LCK: variants seen among roughly 807,000 people sequenced by gnomAD.
LCK encodes the protein tyrosine-protein kinase Lck.
Under a neutral mutation model 64.6 loss-of-function variants are expected in LCK, and 14 were observed. That is an observed-to-expected ratio of 0.22 (90% confidence interval 0.14 to 0.34). The LOEUF is 0.34. LCK is among the 10% of genes least tolerant of loss of function. The pLI, the probability that LCK is intolerant of heterozygous loss-of-function variation, is 1.00. For synonymous variants in LCK, 277 were observed against 263.6 expected (o/e 1.05, Z -0.49); for missense variants, 434 against 668.1 (o/e 0.65, Z 3.86).
chr1:32,253,526 C>A (rs184473868), intron 1 of LCK, among the ~76,000 whole-genome samples: 1 of 152,284 alleles, frequency 6.6e-6, no homozygotes, highest in East Asian at 1.9e-4. Flanking sequence ...TCGTGATCCG[C>A]CCACCTCGGC....
At chr1:32,254,006 A>C (rs1639571555) in intron 1 of LCK, among the ~76,000 whole-genome samples, 1 of 152,166 alleles carries the variant, frequency 6.6e-6, no homozygotes, top group African/African-American at 2.4e-5. Flanking sequence ...TGATGGCTTC[A>C]AGGCCAAGCT....
intron 1 of LCK, among the ~76,000 whole-genome samples, chr1:32,272,587 A>AAGAGAGAGAGAGAGAGAAAG (rs1640108552): frequency 8.4e-5 from 11 of 131,696 alleles, no homozygotes; most frequent in Non-Finnish European, 1.7e-4. Flanking sequence ...GAGAGAGAGA[A>AAGAGAGAGAGAGAGAGAAAG]AGAGAGAGAG....
rs11567841 is a variant in LCK at position 32,276,033 on chromosome 1, G to A, written c.601G>A (p.Gly201Ser). The change falls in exon 7 of 13, where the codon GGC (glycine) becomes AGC (serine). Residue 201 changes from glycine (G) to serine (S), a missense_variant. Physicochemically the swap from Gly to Ser is moderately conservative, Grantham distance 56. Transcript: ENST00000336890. This position sits in a 1 kb window ranked among gnomAD's most constrained non-coding sequence, Gnocchi z 4.6. Reference protein sequence around the residue: ...FYISPRITFPGLHELVRHYTN... With the variant: ...FYISPRITFPSLHELVRHYTN... ...CATCTCCCCTCGAATCACTTTTCCC[G>A]GCCTGCATGAACTGGTCCGCCATTA... 1.8e-3 allele frequency: 2,866 copies of A among 1,613,996 alleles called. 3 individuals are homozygous for A. Among genetic ancestry groups the A allele is most frequent in the Non-Finnish European group, 2.3e-3 (2,724 of 1,179,992 alleles).
In LCK at chr1:32,275,279, C is replaced by T. The variant is rs1459624630; in HGVS notation, c.279-42C>T. The T allele has an allele frequency of 3.1e-6, 5 of 1,597,524 alleles. No homozygotes were observed. The highest frequency in any genetic ancestry group is 2.7e-5 in the African/African-American group (2 of 74,632). On this transcript the variant is annotated intron_variant, in intron 4 of 12. Transcript: ENST00000336890. The surrounding 1 kb of genome is among the most constrained non-coding windows in gnomAD (Gnocchi z 6.9). The stretch of plus-strand genomic sequence containing the variant: ...GGGTCTTTGAGGGAGGGTCTCAGGT[C>T]GACGGCTGAGCGAGCCACACTGACC...
rs1640243072 is a variant in LCK, at chr1:32,275,701, C to G, written c.481+29C>G. ...AGCGGGCGGCGGTCTCGACCGGGCGCGGGGGTGCCCCGGGGTGTGCCCGAG... is the reference window on the plus strand; with the variant it reads ...AGCGGGCGGCGGTCTCGACCGGGCGGGGGGGTGCCCCGGGGTGTGCCCGAG... On this transcript the variant is annotated intron_variant, in intron 6 of 12. Transcript: ENST00000336890. The surrounding 1 kb of genome is among the most constrained non-coding windows in gnomAD (Gnocchi z 6.9). 1 of 1,536,534 alleles carries G rather than the reference C, an allele frequency of 6.5e-7. No homozygotes were observed. Among genetic ancestry groups the G allele is most frequent in the South Asian group, 1.2e-5 (1 of 84,632 alleles).
Position 32,285,992 on chromosome 1 carries a change from G to C in LCK, c.*276G>C. The C allele has an allele frequency of 2.1e-6, 1 of 476,084 alleles. No individual in the cohort carries two copies. Among genetic ancestry groups the C allele is most frequent in the Non-Finnish European group, 3.8e-6 (1 of 262,302 alleles). The allele number at this position is 476,084 out of a possible 1,614,324, so 29.5% of individuals were successfully genotyped here. ...CTCCCATTTCCTGAGACCACAGAGA[G>C]AGGGGAGAAGCCTGGGATTGACAGA... is the stretch of plus-strand genomic sequence containing the variant. On this transcript the variant is annotated 3_prime_UTR_variant, in exon 13 of 13. Coordinates refer to ENST00000336890, the MANE Select transcript of LCK (RefSeq NM_005356.5).
In LCK at chr1:32,286,133, G is replaced by T. The variant is rs959563277; in HGVS notation, c.*417G>T. 1 of 286,660 alleles carries T rather than the reference G, an allele frequency of 3.5e-6. No individual in the cohort carries two copies. Among genetic ancestry groups the T allele is most frequent in the Non-Finnish European group, 6.7e-6 (1 of 148,744 alleles). 17.8% of individuals were successfully genotyped at this position (286,660 alleles called of 1,614,324 possible). A position where few individuals can be genotyped will look rare whatever the true frequency, so the allele number is the denominator to read the frequency against. ...TGGTGCCTGGCCTGGCACACATCAGGAGTTCAATAAATGTCTGTTGATGAC... is the reference window on the plus strand; with the variant it reads ...TGGTGCCTGGCCTGGCACACATCAGTAGTTCAATAAATGTCTGTTGATGAC... On this transcript the variant is annotated 3_prime_UTR_variant, in exon 13 of 13. Transcript: ENST00000336890.
Position 32,285,893 on chromosome 1 carries a change from T to C in LCK, c.*177T>C. 1.5e-6 allele frequency: 1 copy of C among 645,220 alleles called. No individual in the cohort carries two copies. The highest frequency in any genetic ancestry group is 2.7e-6 in the Non-Finnish European group (1 of 369,130). The allele number at this position is 645,220 out of a possible 1,614,324, so 40.0% of individuals were successfully genotyped here. A position where few individuals can be genotyped will look rare whatever the true frequency, so the allele number is the denominator to read the frequency against. On this transcript the variant is annotated 3_prime_UTR_variant, in exon 13 of 13. Coordinates refer to ENST00000336890, the MANE Select transcript of LCK (RefSeq NM_005356.5). ...ACACGTGTCCTGTAGTTGCGTGGAC[T>C]CTGCACATGTCTTGTACATGTGTAG...
Position 32,275,771 on chromosome 1 carries a change from G to C in LCK, c.481+99G>C. The C allele has an allele frequency of 1.4e-6, 2 of 1,405,690 alleles. No individual in the cohort carries two copies. The highest frequency in any genetic ancestry group is 2.4e-5 in the East Asian group (1 of 41,370). The allele number at this position is 1,405,690 out of a possible 1,614,324, so 87.1% of individuals were successfully genotyped here. ...CGAGGTGGAGACACGGGGTGAGTCG[G>C]AGGGGGACGCGGGATGAGCCCGAGG... On this transcript the variant is annotated intron_variant, in intron 6 of 12. Coordinates refer to ENST00000336890, the MANE Select transcript of LCK (RefSeq NM_005356.5). The surrounding 1 kb of genome is among the most constrained non-coding windows in gnomAD (Gnocchi z 6.9).
At chr1:32,268,308 T>C (rs1639983741) in intron 1 of LCK, among the ~76,000 whole-genome samples, 1 of 152,024 alleles carries the variant, frequency 6.6e-6, no homozygotes, top group East Asian at 1.9e-4. Context: ...TTATTATTAT[T>C]ATTCATTTAT....
At chr1:32,263,628 C>T (rs932726681) in intron 1 of LCK, among the ~76,000 whole-genome samples, 3 of 151,534 alleles carry the variant, frequency 2.0e-5, no homozygotes, top group African/African-American at 7.3e-5. Context: ...AATCCCAGCA[C>T]TTTGGGAGGC....
chr1:32,285,969 C>T lies in LCK; in HGVS notation c.*253C>T. On this transcript the variant is annotated 3_prime_UTR_variant, in exon 13 of 13. Transcript: ENST00000336890. ...GTACAAGGTACCCCTTTCTGGCTCT[C>T]CCATTTCCTGAGACCACAGAGAGAG... is the stretch of plus-strand genomic sequence containing the variant. 1 of 501,288 alleles carries T rather than the reference C, an allele frequency of 2.0e-6. No individual in the cohort carries two copies. The highest frequency in any genetic ancestry group is 3.6e-6 in the Non-Finnish European group (1 of 277,976). The allele number at this position is 501,288 out of a possible 1,614,324, so 31.1% of individuals were successfully genotyped here.
chr1:32,264,898 T>C (rs1215645607), intron 1 of LCK, among the ~76,000 whole-genome samples: 1 of 152,050 alleles, frequency 6.6e-6, no homozygotes, highest in East Asian at 1.9e-4. Context: ...GCACCTGGCC[T>C]CAAGTTTACA....
intron 12 of LCK, among the ~76,000 whole-genome samples, chr1:32,284,740 C>G (rs1298297426): frequency 6.6e-6 from 1 of 152,138 alleles, no homozygotes; most frequent in Non-Finnish European, 1.5e-5. Context: ...GAGGTAGGAA[C>G]AGTTATTTAC....
At position 32,285,541 on chromosome 1, in the gene LCK, A is replaced by G. The variant is rs778556583; in HGVS notation, c.1355A>G (p.Asn452Ser). The G allele has an allele frequency of 1.9e-6, 3 of 1,614,174 alleles. No homozygotes were observed. The highest frequency in any genetic ancestry group is 2.5e-6 in the Non-Finnish European group (3 of 1,180,026). ...ATGACCAACCCGGAGGTGATTCAGA[A>G]CCTGGAGCGAGGCTACCGCATGGTG... ...PGMTNPEVIQ[N>S]LERGYRMVRP... Residue 452 changes from asparagine (N) to serine (S), a missense_variant, in exon 13 of 13, where the codon AAC becomes AGC. By Grantham distance (46) the Asn-to-Ser change is conservative. Transcript: ENST00000336890.
chr1:32,278,835 G>A (rs779378009), intron 9 of LCK, among the ~76,000 whole-genome samples: 17 of 152,200 alleles, frequency 1.1e-4, no homozygotes, highest in Middle Eastern at 3.2e-3. Context: ...AGCACTCAAA[G>A]TGGGGACACT....
chr1:32,275,537 C>G lies in LCK; in HGVS notation c.378-32C>G, dbSNP rs200550970. ...CCACGGAGGAAGATCCGACGACAGC[C>G]GACGGCCTTCGTTCGCTTCCGCCCT... On this transcript the variant is annotated intron_variant, in intron 5 of 12. Transcript: ENST00000336890. The surrounding 1 kb of genome is among the most constrained non-coding windows in gnomAD (Gnocchi z 6.9). 16 of 1,554,368 alleles carry G rather than the reference C, an allele frequency of 1.0e-5. No individual in the cohort carries two copies. Among genetic ancestry groups the G allele is most frequent in the Non-Finnish European group, 1.4e-5 (16 of 1,145,046 alleles).
intron 12 of LCK, among the ~76,000 whole-genome samples, chr1:32,284,280 TATATATATCTGTGAG>T (rs950970668): frequency 1.9e-4 from 28 of 146,860 alleles, no homozygotes; most frequent in East Asian, 4.2e-4. Context: ...ATCTGTGAGA[TATATATATCTGTGAG>T]ATATATATAT....
At chr1:32,274,228 T>C (rs867582442) in intron 1 of LCK, 97 bp from the exon 2 acceptor site, 1 of 1,591,668 alleles carries the variant, frequency 6.3e-7, no homozygotes, top group Non-Finnish European at 8.5e-7. Flanking sequence ...CAATCTCAGG[T>C]ACTTTTGGAA....
Sources: allele counts gnomAD v4.1 joint callset (sites outside exome capture counted in the v4.1 genomes callset), GRCh38; gene constraint gnomAD v4.1.1; non-coding constraint Gnocchi (gnomAD v3.1); transcripts MANE v1.5; gene names NCBI Gene and HGNC (gene_info 2026-07-23, HGNC 2026-07-21).